Variants in LINGO2 observed in about 807,000 individuals in gnomAD.
The protein encoded by LINGO2 is leucine rich repeat and Ig domain containing 2.
In LINGO2, 14 loss-of-function variants were observed where a neutral mutation model predicts 30.6. The ratio of observed to expected loss-of-function variants is 0.46; its 90% confidence interval spans 0.30 to 0.72. The LOEUF is 0.72. LINGO2 is among the 30% of genes least tolerant of loss of function. The pLI is 0.07. For missense variants in LINGO2, 729 were observed against 751.7 expected, an observed-to-expected ratio of 0.97 and a Z score of 0.35; for synonymous variants, 317 against 288.5, an observed-to-expected ratio of 1.10 and a Z score of -1.00.
chr9:28,895,659 T>G, the LINGO2 span, among the ~76,000 whole-genome samples: 2 of 152,102 alleles, frequency 1.3e-5, no homozygotes, highest in Non-Finnish European at 2.9e-5. Flanking sequence ...TTTTTTTGTT[T>G]TAGAGAGCCT....
chr9:29,031,231 G>GT, the LINGO2 span, among the ~76,000 whole-genome samples: 1 of 149,170 alleles, frequency 6.7e-6, no homozygotes, highest in Non-Finnish European at 1.5e-5. Context: ...GTTTGTAATA[G>GT]CACATAGTAA....
At chr9:29,058,468 C>A in the LINGO2 span, among the ~76,000 whole-genome samples, 1 of 151,702 alleles carries the variant, frequency 6.6e-6, no homozygotes, top group African/African-American at 2.4e-5. Context: ...ATAAAGTGAC[C>A]TATGGGAAAA....
At position 28,118,174 on chromosome 9, in the gene LINGO2, A is replaced by G. The variant is rs1826989824; in HGVS notation, c.-86-105769T>C. Reference sequence around the variant, plus strand: ...GATGGATTGATAGGTGCAGCAAACCACTATGGCACATGTTTACCTGTGTAG... The same window carrying G: ...GATGGATTGATAGGTGCAGCAAACCGCTATGGCACATGTTTACCTGTGTAG... On this transcript the variant is annotated intron_variant, in intron 4 of 5. Coordinates refer to ENST00000379992, the Ensembl canonical transcript of LINGO2. Among the ~76,000 whole-genome samples, 3 of 152,200 alleles carry G rather than the reference A, an allele frequency of 2.0e-5. No homozygotes were observed. The South Asian group carries it at 6.2e-4, about 32-fold the overall frequency.
the LINGO2 span, among the ~76,000 whole-genome samples, chr9:28,926,876 G>T: frequency 6.6e-6 from 1 of 151,922 alleles, no homozygotes; most frequent in African/African-American, 2.4e-5. Flanking sequence ...CCTTTTCATG[G>T]CTGTCTTCTC....
intron 5 of LINGO2, among the ~76,000 whole-genome samples, chr9:27,969,331 T>A (rs999864524): frequency 6.6e-6 from 1 of 152,128 alleles, no homozygotes; most frequent in African/African-American, 2.4e-5. Context: ...TAGTTCAGTT[T>A]TCCAACAAGA....
At chr9:28,284,002 G>C (rs1472795287) in intron 4 of LINGO2, among the ~76,000 whole-genome samples, 1 of 152,078 alleles carries the variant, frequency 6.6e-6, no homozygotes, top group African/African-American at 2.4e-5. Context: ...CTCACTCAGG[G>C]ATTTCCTAGC....
At chr9:28,605,218 T>C (rs1171023024) in intron 1 of LINGO2, among the ~76,000 whole-genome samples, 2 of 152,220 alleles carry the variant, frequency 1.3e-5, no homozygotes, top group African/African-American at 2.4e-5. Context: ...TGTTGAGATA[T>C]TTGGCCTACA....
At chr9:28,279,409 G>C (rs1348881943) in intron 4 of LINGO2, among the ~76,000 whole-genome samples, 3 of 152,212 alleles carry the variant, frequency 2.0e-5, no homozygotes, top group Non-Finnish European at 2.9e-5. Context: ...ATGTGGCAAA[G>C]TTAATTGTTT....
At chr9:28,004,177 TGAA>T (rs1215620001) in intron 5 of LINGO2, among the ~76,000 whole-genome samples, 426 of 152,316 alleles carry the variant, frequency 2.8e-3, no homozygotes, top group African/African-American at 9.5e-3. Flanking sequence ...GTATTAAAAA[TGAA>T]GTATCGACCT....
At chr9:28,936,978 T>C in the LINGO2 span, among the ~76,000 whole-genome samples, 10 of 152,194 alleles carry the variant, frequency 6.6e-5, no homozygotes, top group Admixed American at 3.9e-4. Flanking sequence ...TCTGTGTGCA[T>C]ACACTTCTGG....
chr9:28,007,917 T>C (rs564393179), intron 5 of LINGO2, among the ~76,000 whole-genome samples: 35 of 152,186 alleles, frequency 2.3e-4, no homozygotes, highest in Non-Finnish European at 4.1e-4. Flanking sequence ...ACAAGCCTAA[T>C]GTTCAAAAAG....
At chr9:28,769,451 C>G in the LINGO2 span, among the ~76,000 whole-genome samples, 5,847 of 116,484 alleles carry the variant, frequency 0.05, 225 homozygotes, top group Non-Finnish European at 0.071. Flanking sequence ...TTCCCTGTCC[C>G]CAGTTACATG....
the LINGO2 span, among the ~76,000 whole-genome samples, chr9:28,783,435 ATAT>A: frequency 6.6e-6 from 1 of 152,064 alleles, no homozygotes; most frequent in African/African-American, 2.4e-5. Context: ...TTAATACTTA[ATAT>A]TTTTTTACTT....
chr9:28,524,325 A>G (rs1382895149), intron 1 of LINGO2, among the ~76,000 whole-genome samples: 3 of 152,212 alleles, frequency 2.0e-5, no homozygotes, highest in Non-Finnish European at 2.9e-5. Flanking sequence ...AGAAGAAGGT[A>G]TAGGAGAATA....
At chr9:29,148,767 T>C in the LINGO2 span, among the ~76,000 whole-genome samples, 2 of 152,132 alleles carry the variant, frequency 1.3e-5, no homozygotes, top group Non-Finnish European at 2.9e-5. Context: ...GCTATTATGA[T>C]GTTTGGAGGG....
chr9:28,457,534 A>G (rs1404280162), intron 2 of LINGO2, among the ~76,000 whole-genome samples: 1 of 151,694 alleles, frequency 6.6e-6, no homozygotes, highest in Non-Finnish European at 1.5e-5. Flanking sequence ...CCTGCCTCAG[A>G]CTCACTAGTG....
the LINGO2 span, among the ~76,000 whole-genome samples, chr9:29,001,519 T>C: frequency 6.6e-6 from 1 of 151,998 alleles, no homozygotes; most frequent in African/African-American, 2.4e-5. Context: ...AGATTTAATA[T>C]TTCACAAGAT....
the LINGO2 span, among the ~76,000 whole-genome samples, chr9:28,921,769 G>A: frequency 6.6e-6 from 1 of 152,190 alleles, no homozygotes; most frequent in Non-Finnish European, 1.5e-5. Context: ...GACTGGGAGA[G>A]TGCATTTATA....
chr9:28,172,016 C>CAAAAAAAAAA (rs1197927884), intron 4 of LINGO2, among the ~76,000 whole-genome samples: 3 of 44,036 alleles, frequency 6.8e-5, no homozygotes, highest in Admixed American at 4.1e-4. Flanking sequence ...GACTCCGTCT[C>CAAAAAAAAAA]AAAAAAAAAA....
Sources: allele counts gnomAD v4.1 joint callset (sites outside exome capture counted in the v4.1 genomes callset), GRCh38; gene constraint gnomAD v4.1.1; transcripts MANE v1.5; gene names NCBI Gene and HGNC (gene_info 2026-07-23, HGNC 2026-07-21).